CACNA2D3: variants seen among roughly 807,000 people sequenced by gnomAD.
CACNA2D3 encodes the protein voltage-dependent calcium channel subunit alpha-2/delta-3.
A neutral mutation model predicts 160.6 loss-of-function variants in CACNA2D3; 60 were observed. The ratio of observed to expected loss-of-function variants is 0.37; its 90% confidence interval spans 0.30 to 0.46. The LOEUF (loss-of-function observed/expected upper bound fraction) is 0.46. Ranked by LOEUF, CACNA2D3 falls within the 20% of genes least tolerant of loss-of-function variation. The pLI is 1.00. For missense variants in CACNA2D3, 1,205 were observed against 1,365.0 expected, an observed-to-expected ratio of 0.88 and a Z score of 1.85; for synonymous variants, 558 against 492.9, an observed-to-expected ratio of 1.13 and a Z score of -1.75.
intron 2 of CACNA2D3, among the ~76,000 whole-genome samples, chr3:54,168,629 G>A (rs1178278738): frequency 6.6e-6 from 1 of 152,168 alleles, no homozygotes; most frequent in Non-Finnish European, 1.5e-5. Context: ...CAGCATTCCT[G>A]CCACTGTTAC....
intron 28 of CACNA2D3, among the ~76,000 whole-genome samples, chr3:54,969,323 G>A (rs1291017804): frequency 2.1e-5 from 3 of 145,754 alleles, no homozygotes; most frequent in Admixed American, 7.0e-5. Context: ...GCAGTGGTGC[G>A]ATCTCGACTC....
At chr3:54,412,245 T>C (rs2106729632) in intron 4 of CACNA2D3, among the ~76,000 whole-genome samples, 1 of 152,186 alleles carries the variant, frequency 6.6e-6, no homozygotes, top group South Asian at 2.1e-4. Context: ...CATTCTCCTC[T>C]CTCTCATTTT....
At chr3:54,333,813 G>A (rs1398994452) in intron 3 of CACNA2D3, among the ~76,000 whole-genome samples, 2 of 152,232 alleles carry the variant, frequency 1.3e-5, no homozygotes, top group Non-Finnish European at 2.9e-5. Context: ...TTCATGGGTG[G>A]AGGGAACCTC....
intron 4 of CACNA2D3, among the ~76,000 whole-genome samples, chr3:54,477,616 T>C (rs375021736): frequency 6.6e-6 from 1 of 152,112 alleles, no homozygotes; most frequent in East Asian, 1.9e-4. Context: ...ACCTGTCCAT[T>C]TCTCTCCACC....
intron 2 of CACNA2D3, among the ~76,000 whole-genome samples, chr3:54,237,428 A>C (rs1701901200): frequency 6.6e-6 from 1 of 152,184 alleles, no homozygotes; most frequent in African/African-American, 2.4e-5. Flanking sequence ...TTATCTAAGA[A>C]AAATTAGTAT....
chr3:54,904,083 C>T (rs532222989), intron 27 of CACNA2D3, among the ~76,000 whole-genome samples: 1 of 152,294 alleles, frequency 6.6e-6, no homozygotes, highest in Admixed American at 6.5e-5. Flanking sequence ...CCACATCTGG[C>T]AAGAGCCTTC....
intron 34 of CACNA2D3, among the ~76,000 whole-genome samples, chr3:55,015,973 C>G (rs28660621): frequency 0.25 from 37,913 of 152,096 alleles, 4,765 homozygotes; most frequent in African/African-American, 0.3. Context: ...AGGCAAGAAA[C>G]AAATGTGTCG....
chr3:54,764,046 G>A (rs1402678284), intron 12 of CACNA2D3, among the ~76,000 whole-genome samples, 172 bp from the exon 13 acceptor site: 2 of 151,316 alleles, frequency 1.3e-5, no homozygotes, highest in Non-Finnish European at 1.5e-5. Flanking sequence ...CATAAAGTGG[G>A]TGATCGGGGA....
At chr3:54,341,465 C>T (rs1322183822) in intron 3 of CACNA2D3, among the ~76,000 whole-genome samples, 1 of 152,178 alleles carries the variant, frequency 6.6e-6, no homozygotes, top group Non-Finnish European at 1.5e-5. Context: ...TAGAGACAAA[C>T]TCAGAATGGG....
At chr3:54,757,200 G>A (rs1277767811) in intron 12 of CACNA2D3, among the ~76,000 whole-genome samples, 4 of 152,216 alleles carry the variant, frequency 2.6e-5, no homozygotes, top group African/African-American at 7.2e-5. Context: ...TTAATGGAGT[G>A]TTTTCCAGCT....
At chr3:54,705,095 T>C (rs935568320) in intron 11 of CACNA2D3, among the ~76,000 whole-genome samples, 9 of 152,158 alleles carry the variant, frequency 5.9e-5, no homozygotes, top group African/African-American at 1.9e-4. Context: ...AATGGCTCAG[T>C]CTCCAAAAGA....
intron 3 of CACNA2D3, among the ~76,000 whole-genome samples, chr3:54,333,846 A>G (rs1213078866): frequency 6.6e-6 from 1 of 152,236 alleles, no homozygotes; most frequent in Admixed American, 6.5e-5. Context: ...CCAAAGGGGA[A>G]CGTCACCTGT....
intron 5 of CACNA2D3, among the ~76,000 whole-genome samples, chr3:54,537,212 C>T (rs942736275): frequency 2.6e-5 from 4 of 152,054 alleles, no homozygotes; most frequent in African/African-American, 9.6e-5. Flanking sequence ...TCCTCTTTGG[C>T]CATGTGCGCG....
At chr3:54,276,588 A>AGAAGAAG (rs767061739) in intron 2 of CACNA2D3, among the ~76,000 whole-genome samples, 1 of 127,780 alleles carries the variant, frequency 7.8e-6, no homozygotes, top group Non-Finnish European at 1.7e-5. Context: ...AAAAAAAAAA[A>AGAAGAAG]AAGAAGAAGA....
At chr3:54,386,418 A>G (rs1169054404) in intron 3 of CACNA2D3, among the ~76,000 whole-genome samples, 1 of 152,236 alleles carries the variant, frequency 6.6e-6, no homozygotes. Context: ...TTGGATCTGC[A>G]TTGGGCCTCA....
chr3:54,951,467 G>A (rs191024662), intron 27 of CACNA2D3, among the ~76,000 whole-genome samples: 2 of 152,330 alleles, frequency 1.3e-5, no homozygotes, highest in African/African-American at 4.8e-5. Flanking sequence ...GCGGCCCGGG[G>A]GCAGTGGGGT....
intron 17 of CACNA2D3, among the ~76,000 whole-genome samples, chr3:54,848,878 CA>C (rs1698992873): frequency 6.6e-6 from 1 of 152,138 alleles, no homozygotes. Flanking sequence ...TGAGATAATG[CA>C]AGCAAAGGAC....
chr3:54,258,857 C>T (rs544577411), intron 2 of CACNA2D3, among the ~76,000 whole-genome samples: 1 of 152,122 alleles, frequency 6.6e-6, no homozygotes, highest in South Asian at 2.1e-4. Flanking sequence ...AAGTTTAAAG[C>T]CCCAGACAGT....
chr3:54,973,728 C>T (rs978186638), intron 29 of CACNA2D3, among the ~76,000 whole-genome samples: 1 of 152,130 alleles, frequency 6.6e-6, no homozygotes, highest in Admixed American at 6.5e-5. Context: ...GTGACCCCTA[C>T]CAAGTGCATC....
Sources: allele counts gnomAD v4.1 joint callset (sites outside exome capture counted in the v4.1 genomes callset), GRCh38; gene constraint gnomAD v4.1.1; transcripts MANE v1.5; gene names NCBI Gene and HGNC (gene_info 2026-07-23, HGNC 2026-07-21).